Variants in SLIT1 observed in about 807,000 individuals in gnomAD.
SLIT1 encodes the protein slit guidance ligand 1.
A neutral mutation model predicts 186.1 loss-of-function variants in SLIT1; 66 were observed. That is an observed-to-expected ratio of 0.35 (90% confidence interval 0.29 to 0.44). The LOEUF is 0.44. SLIT1 is among the 20% of genes least tolerant of loss of function. The pLI is 1.00. For missense variants in SLIT1, 1,638 were observed against 2,037.4 expected (o/e 0.80, Z 3.77); for synonymous variants, 761 against 833.8 (o/e 0.91, Z 1.50).
chr10:97,050,191 C>T (rs1165706715), intron 13 of SLIT1, among the ~76,000 whole-genome samples: 3 of 152,216 alleles, frequency 2.0e-5, no homozygotes, highest in Non-Finnish European at 4.4e-5. Context: ...GAGCAACAGG[C>T]CAACTCAAAG....
At chr10:97,041,268 G>A (rs1330941082) in intron 20 of SLIT1, among the ~76,000 whole-genome samples, 1 of 152,168 alleles carries the variant, frequency 6.6e-6, no homozygotes. Flanking sequence ...CCAGCAGCTG[G>A]GGGCTGCTTA....
At position 97,046,719 on chromosome 10, in the gene SLIT1, T is replaced by C. The variant is rs2134625386; in HGVS notation, c.1788A>G (p.Leu596=). 6.2e-7 allele frequency: 1 copy of C among 1,612,508 alleles called. No homozygotes were observed. Among genetic ancestry groups the C allele is most frequent in the Non-Finnish European group, 8.5e-7 (1 of 1,180,012 alleles). ...GGATGGACTCCAGCTGGTTGGCAGTTAGGTGCAGCTCGCTCACAGAGGCTG... is the reference window on the plus strand; with the variant it reads ...GGATGGACTCCAGCTGGTTGGCAGTCAGGTGCAGCTCGCTCACAGAGGCTG... ...EGAASVSELH[L]TANQLESIRS... is the part of the protein sequence containing the mutation. The change falls in exon 18 of 37, where the codon CTA becomes CTG. Residue 596 remains leucine (L), a synonymous_variant. Coordinates refer to ENST00000266058, the MANE Select transcript of SLIT1 (RefSeq NM_003061.3).
intron 18 of SLIT1, among the ~76,000 whole-genome samples, chr10:97,045,743 A>G (rs1214425797): frequency 6.6e-6 from 1 of 152,194 alleles, no homozygotes; most frequent in East Asian, 1.9e-4. Context: ...TGCATAATAA[A>G]ATTTGCTTTT....
Position 97,043,631 on chromosome 10 carries a change from C to T in SLIT1, c.1854-118G>A, listed in dbSNP as rs972688095. The T allele has an allele frequency of 2.0e-6, 2 of 1,024,308 alleles. No homozygotes were observed. Among genetic ancestry groups the T allele is most frequent in the South Asian group, 3.1e-5 (2 of 65,308 alleles). The allele number at this position is 1,024,308 out of a possible 1,614,324, so 63.5% of individuals were successfully genotyped here. A position where few individuals can be genotyped will look rare whatever the true frequency, so the allele number is the denominator to read the frequency against. On this transcript the variant is annotated intron_variant, in intron 18 of 36. Coordinates refer to ENST00000266058, the MANE Select transcript of SLIT1 (RefSeq NM_003061.3). This position sits in a 1 kb window ranked among gnomAD's most constrained non-coding sequence, Gnocchi z 7.0. The stretch of plus-strand genomic sequence containing the variant: ...CAGTTCTCCTCCATAGGCTGCGAGC[C>T]GCAGAGCCAGGAACACGCACCAGCC...
At chr10:97,166,380 G>T (rs1850106755) in intron 1 of SLIT1, among the ~76,000 whole-genome samples, 1 of 151,544 alleles carries the variant, frequency 6.6e-6, no homozygotes. Flanking sequence ...ATCGGGCATG[G>T]TGGCAGGCAC....
At chr10:97,082,113 A>C (rs577411291) in intron 4 of SLIT1, among the ~76,000 whole-genome samples, 2 of 152,338 alleles carry the variant, frequency 1.3e-5, no homozygotes, top group South Asian at 4.1e-4. Flanking sequence ...GGTGAAGCTG[A>C]ATCCTTCCCC....
chr10:97,002,803 C>T lies in SLIT1; in HGVS notation c.4055G>A (p.Cys1352Tyr), dbSNP rs1171876233. Residue 1352 changes from cysteine to tyrosine, a missense_variant, in exon 35 of 37, where the codon TGC becomes TAC. This residue lies in a region of SLIT1 where 173 missense variants were observed against 290.9 expected (regional missense o/e 0.59). Transcript: ENST00000266058. ...CRKLYCLHGI[C>Y]QPNATPGPMC... ...GGGCCCTGGGGTGGCATTGGGCTGG[C>T]AGATGCCATGCAGGCAGTAGAGCTT... The T allele has an allele frequency of 1.1e-5, 17 of 1,613,958 alleles. No individual in the cohort carries two copies. Among genetic ancestry groups the T allele is most frequent in the Non-Finnish European group, 1.4e-5 (16 of 1,180,018 alleles).
At chr10:97,067,647 TCA>T (rs2134642959) in intron 4 of SLIT1, among the ~76,000 whole-genome samples, 1 of 152,270 alleles carries the variant, frequency 6.6e-6, no homozygotes, top group African/African-American at 2.4e-5. Context: ...TGCGCCCATT[TCA>T]CAGAGGAGGG....
intron 30 of SLIT1, among the ~76,000 whole-genome samples, chr10:97,011,725 CT>C (rs1227798035): frequency 6.6e-6 from 1 of 152,162 alleles, no homozygotes; most frequent in Non-Finnish European, 1.5e-5. Context: ...AAAGGATGCA[CT>C]CCTGTAGCCC....
chr10:97,171,486 G>A (rs1015141954), intron 1 of SLIT1, among the ~76,000 whole-genome samples: 1 of 152,086 alleles, frequency 6.6e-6, no homozygotes, highest in African/African-American at 2.4e-5. Context: ...CCCACTTAAA[G>A]CCTTCAATGG....
chr10:97,033,050 CTT>C (rs71007311), intron 23 of SLIT1, among the ~76,000 whole-genome samples: 49 of 139,662 alleles, frequency 3.5e-4, no homozygotes, highest in Admixed American at 3.6e-4. Context: ...TTCTTTCTTT[CTT>C]TTTTTTTTTT....
intron 31 of SLIT1, among the ~76,000 whole-genome samples, chr10:97,008,271 C>T (rs956226474): frequency 6.6e-5 from 10 of 152,024 alleles, no homozygotes; most frequent in Middle Eastern, 3.2e-3. Context: ...GAATAAAATA[C>T]GTAAGAATAA....
rs1440221170 is a variant in SLIT1 at position 97,124,700 on chromosome 10, C to T, written c.413+33118G>A. Among the ~76,000 whole-genome samples the T allele has an allele frequency of 2.0e-5, 3 of 152,144 alleles. No individual in the cohort carries two copies. The East Asian group carries it at 5.8e-4, about 29-fold the overall frequency. The stretch of plus-strand genomic sequence containing the variant: ...CCCTTGGGAATACACAGAATGGGGT[C>T]CCTTCCCCACCCAGGAGCACTAGGT... On this transcript the variant is annotated intron_variant, in intron 4 of 36. Coordinates refer to ENST00000266058, the MANE Select transcript of SLIT1 (RefSeq NM_003061.3).
At chr10:97,141,334 G>A (rs1849755388) in intron 4 of SLIT1, among the ~76,000 whole-genome samples, 1 of 152,162 alleles carries the variant, frequency 6.6e-6, no homozygotes, top group Non-Finnish European at 1.5e-5. Context: ...CCTTCACATA[G>A]ATTTGAAAAT....
At chr10:97,122,822 G>C (rs1039385197) in intron 4 of SLIT1, among the ~76,000 whole-genome samples, 1 of 151,968 alleles carries the variant, frequency 6.6e-6, no homozygotes, top group Admixed American at 6.6e-5. Context: ...CCGTCCTAGA[G>C]CTGCTTCTTC....
intron 1 of SLIT1, among the ~76,000 whole-genome samples, chr10:97,174,117 C>A (rs552598023): frequency 6.6e-6 from 1 of 152,278 alleles, no homozygotes; most frequent in South Asian, 2.1e-4. Flanking sequence ...TCTTCTAAAC[C>A]AGCTTCCCCA....
intron 1 of SLIT1, among the ~76,000 whole-genome samples, chr10:97,171,115 G>C (rs956230519): frequency 6.6e-6 from 1 of 152,164 alleles, no homozygotes; most frequent in Non-Finnish European, 1.5e-5. Context: ...AAGCCTACTC[G>C]GGAAATGTAC....
chr10:97,147,684 A>T (rs1333290651), intron 4 of SLIT1, among the ~76,000 whole-genome samples: 1 of 152,020 alleles, frequency 6.6e-6, no homozygotes, highest in African/African-American at 2.4e-5. Flanking sequence ...ACTCTCCACT[A>T]AGTCGCCCCA....
chr10:97,160,796 C>T (rs1850014774), intron 3 of SLIT1, among the ~76,000 whole-genome samples: 1 of 152,204 alleles, frequency 6.6e-6, no homozygotes, highest in African/African-American at 2.4e-5. Flanking sequence ...TCTCGGCTCA[C>T]CGCAACCTCC....
Sources: allele counts gnomAD v4.1 joint callset (sites outside exome capture counted in the v4.1 genomes callset), GRCh38; gene constraint gnomAD v4.1.1; regional missense constraint gnomAD v4.1.1; non-coding constraint Gnocchi (gnomAD v3.1); transcripts MANE v1.5; gene names NCBI Gene and HGNC (gene_info 2026-07-23, HGNC 2026-07-21).